ARL10: variants seen among roughly 807,000 people sequenced by gnomAD.
ARL10 encodes the protein ARF like GTPase 10, also known as ADP-ribosylation factor-like protein 10.
In ARL10, 23 loss-of-function variants were observed where a neutral mutation model predicts 26.1. The observed-to-expected ratio is 0.88, with a 90% CI of 0.63 to 1.25. ARL10 has a LOEUF of 1.25. Among genes scored for constraint, ARL10 ranks in the 50% most tolerant of loss-of-function variants. The probability of loss-of-function intolerance (pLI) is 0.00; values close to 1 mark genes in which losing one functional copy is unlikely to be tolerated. For synonymous variants in ARL10, 138 were observed against 149.1 expected (o/e 0.93, Z 0.54); for missense variants, 300 against 323.6 (o/e 0.93, Z 0.56).
intron 1 of ARL10, among the ~76,000 whole-genome samples, chr5:176,400,328 C>T (rs1404147068): frequency 6.6e-6 from 1 of 152,258 alleles, no homozygotes; most frequent in Middle Eastern, 3.4e-3. Context: ...AGTGATGGCT[C>T]AGTGAATAGT....
intron 1 of ARL10, among the ~76,000 whole-genome samples, chr5:176,400,052 G>A (rs2113643945): frequency 1.3e-5 from 2 of 151,966 alleles, no homozygotes; most frequent in South Asian, 4.2e-4. Context: ...TTAGCTGGGT[G>A]TGGTGGCCCG....
At chr5:176,393,280 G>A (rs1756339340), downstream of ARL10, among the ~76,000 whole-genome samples, 1 of 152,146 alleles carries the variant, frequency 6.6e-6, no homozygotes, top group Non-Finnish European at 1.5e-5. The surrounding 1 kb of genome is among the most constrained non-coding windows in gnomAD (Gnocchi z 4.4). Context: ...TTCCCCATCG[G>A]GAGTTCCCAA....
downstream of ARL10, chr5:176,386,764 GA>G: frequency 7.8e-7 from 1 of 1,286,420 alleles, no homozygotes; most frequent in East Asian, 2.3e-5. Flanking sequence ...TCTGCAAAAT[GA>G]GGACATCTTA....
chr5:176,375,426 C>T lies in ARL10; in HGVS notation c.*3531C>T, dbSNP rs1768676135. 6.6e-6 allele frequency: 1 copy of T among 152,070 alleles called. No homozygotes were observed. The highest frequency in any genetic ancestry group is 2.4e-5 in the African/African-American group (1 of 41,400). 9.4% of individuals were successfully genotyped at this position (152,070 alleles called of 1,614,324 possible). ...AAAATTCTTTTCAATTTAGCATTAA[C>T]TTTAATTTCCATACAGTTGGCACCT... On this transcript the variant is annotated 3_prime_UTR_variant, in exon 4 of 4. Coordinates refer to ENST00000310389, the MANE Select transcript of ARL10 (RefSeq NM_173664.6).
chr5:176,412,417 C>T, the ARL10 span, among the ~76,000 whole-genome samples: 4 of 152,132 alleles, frequency 2.6e-5, no homozygotes, highest in Non-Finnish European at 4.4e-5. Context: ...TATTCAGCTC[C>T]TCAGGGCTCC....
rs70991542 is a variant in ARL10 at position 176,375,076 on chromosome 5, TCATCCATCCATCCATC to T, written c.*3199_*3214del. ...GTGTTTTTGTTGAACACAGGTGGCC[TCATCCATCCATCCATC>T]CATCCATCCATCCATCCCTCCATCC... On this transcript the variant is annotated 3_prime_UTR_variant, in exon 4 of 4. Transcript: ENST00000310389. 1.5e-5 allele frequency: 2 copies of T among 135,778 alleles called. No homozygotes were observed. Among genetic ancestry groups the T allele is most frequent in the Middle Eastern group, 3.8e-3 (1 of 264 alleles). The allele number at this position is 135,778 out of a possible 1,614,324, so 8.4% of individuals were successfully genotyped here.
At position 176,365,663 on chromosome 5, in the gene ARL10, C is replaced by T. The variant is rs891057765; in HGVS notation, c.100C>T (p.Arg34Cys). ...LFILWKTYFG[R>C]GRERRWDRGE... is the part of the protein sequence containing the mutation. ...CATCCTCTGGAAGACCTACTTCGGC[C>T]GCGGCCGAGAGCGGCGCTGGGACCG... Residue 34 changes from arginine (R) to cysteine (C), a missense_variant, in exon 1 of 4, where the codon CGC becomes TGC. Coordinates refer to ENST00000310389, the MANE Select transcript of ARL10 (RefSeq NM_173664.6). 9 of 1,250,574 alleles carry T rather than the reference C, an allele frequency of 7.2e-6. No homozygotes were observed. The African/African-American group carries it at 7.8e-5, about 11-fold the overall frequency. The allele number at this position is 1,250,574 out of a possible 1,614,324, so 77.5% of individuals were successfully genotyped here. A position where few individuals can be genotyped will look rare whatever the true frequency, so the allele number is the denominator to read the frequency against.
At chr5:176,386,586 A>G (rs144806329), downstream of ARL10, 499 of 561,198 alleles carry the variant, frequency 8.9e-4, 3 homozygotes, top group African/African-American at 8.4e-3. Flanking sequence ...TTTCTCTTCT[A>G]TTCTCCCAGG....
rs1561775912 is a variant in ARL10 at position 176,375,231 on chromosome 5, T to TCCATCCATCCTTCCATCCATCCAC, written c.*3346_*3347insTTCCATCCATCCACCCATCCATCC. 171 of 104,198 alleles carry TCCATCCATCCTTCCATCCATCCAC rather than the reference T, an allele frequency of 1.6e-3. 2 individuals are homozygous for TCCATCCATCCTTCCATCCATCCAC. Among genetic ancestry groups the TCCATCCATCCTTCCATCCATCCAC allele is most frequent in the African/African-American group, 5.6e-3 (161 of 28,632 alleles). 6.5% of individuals were successfully genotyped at this position (104,198 alleles called of 1,614,324 possible). On this transcript the variant is annotated 3_prime_UTR_variant, in exon 4 of 4. Coordinates refer to ENST00000310389, the MANE Select transcript of ARL10 (RefSeq NM_173664.6). ...ACTCATCCACCCATCCACCCATCCA[T>TCCATCCATCCTTCCATCCATCCAC]CCATCCATCCATCCATCCTTCCATC...
chr5:176,387,758 CG>C (rs1269188619), intron 1 of ARL10, among the ~76,000 whole-genome samples: 2 of 152,138 alleles, frequency 1.3e-5, no homozygotes, highest in Non-Finnish European at 2.9e-5. Context: ...AAAAATCAGC[CG>C]GGTATGGTGG....
the ARL10 span, among the ~76,000 whole-genome samples, chr5:176,409,996 T>A: frequency 1.3e-5 from 2 of 152,094 alleles, no homozygotes; most frequent in Non-Finnish European, 2.9e-5. Context: ...CCACTTGACC[T>A]CTCCCTCCCA....
At position 176,371,235 on chromosome 5, in the gene ARL10, C is replaced by G. The variant is rs781677376; in HGVS notation, c.562-487C>G. Among the ~76,000 whole-genome samples the G allele has an allele frequency of 1.1e-3, 172 of 152,238 alleles. 1 individual carries two copies. The highest frequency in any genetic ancestry group is 0.01 in the Middle Eastern group (3 of 294). ...ACTAAAAATACAAAAATTAGCCAGG[C>G]GTGGTGGCTCACACCTGTAGTCCCA... On this transcript the variant is annotated intron_variant, in intron 3 of 3. Transcript: ENST00000310389.
At chr5:176,396,494 T>C (rs770649500) in intron 1 of ARL10, 2 of 1,613,880 alleles carry the variant, frequency 1.2e-6, no homozygotes, top group Admixed American at 1.7e-5. Flanking sequence ...GCCGATGATA[T>C]CAGCATCTGG....
chr5:176,401,341 T>C (rs1756805957), intron 1 of ARL10, among the ~76,000 whole-genome samples: 1 of 152,264 alleles, frequency 6.6e-6, no homozygotes, highest in African/African-American at 2.4e-5. Flanking sequence ...TCAGAGAAGT[T>C]GGAAATAAAA....
chr5:176,399,421 T>G (rs544797879), intron 1 of ARL10, among the ~76,000 whole-genome samples: 27 of 152,178 alleles, frequency 1.8e-4, no homozygotes, highest in Non-Finnish European at 3.8e-4. Flanking sequence ...AGAAATTGCT[T>G]AACCTTGCCT....
chr5:176,394,575 T>C (rs1756414008), intron 1 of ARL10, among the ~76,000 whole-genome samples: 2 of 151,348 alleles, frequency 1.3e-5, no homozygotes, highest in Admixed American at 1.3e-4. Context: ...CCCAGCACTT[T>C]GGGAGGCCAA....
chr5:176,368,725 C>A lies in ARL10; in HGVS notation c.386-82C>A. The A allele has an allele frequency of 8.0e-7, 1 of 1,248,210 alleles. No individual in the cohort carries two copies. Among genetic ancestry groups the A allele is most frequent in the South Asian group, 1.5e-5 (1 of 65,354 alleles). The allele number at this position is 1,248,210 out of a possible 1,614,324, so 77.3% of individuals were successfully genotyped here. Reference sequence around the variant, plus strand: ...TGGGGTGGGGGCTGTGGGCAGTGAGCGGGGGCCCGGGGTGGGGTGGGGGCT... The same window carrying A: ...TGGGGTGGGGGCTGTGGGCAGTGAGAGGGGGCCCGGGGTGGGGTGGGGGCT... On this transcript the variant is annotated intron_variant, in intron 2 of 3. Transcript: ENST00000310389. This position sits in a 1 kb window ranked among gnomAD's most constrained non-coding sequence, Gnocchi z 4.1.
chr5:176,388,259 C>T (rs917097779), intron 1 of ARL10: 11 of 1,613,678 alleles, frequency 6.8e-6, no homozygotes, highest in Non-Finnish European at 8.5e-6. Flanking sequence ...GGGGCACCGC[C>T]CTGTTGGGGT....
chr5:176,392,560 A>C (rs1756299025), downstream of ARL10: 1 of 572,110 alleles, frequency 1.7e-6, no homozygotes, highest in African/African-American at 1.9e-5. This position sits in a 1 kb window ranked among gnomAD's most constrained non-coding sequence, Gnocchi z 5.2. Context: ...GTCACAATTG[A>C]GTAGACTGAG....
Sources: gnomAD v4.1 joint callset for allele counts (sites outside exome capture counted in the v4.1 genomes callset) on GRCh38, gnomAD v4.1.1 for gene constraint, Gnocchi (gnomAD v3.1) non-coding constraint, MANE v1.5 for transcripts, NCBI Gene and HGNC (gene_info 2026-07-23, HGNC 2026-07-21) for gene names.